PDE4D: variants seen among roughly 807,000 people sequenced by gnomAD.
The protein encoded by PDE4D is 3',5'-cyclic-AMP phosphodiesterase 4D.
PDE4D carries 24 observed loss-of-function variants against 87.4 expected under a neutral mutation model. The observed-to-expected ratio is 0.27, with a 90% CI of 0.20 to 0.39. The LOEUF is 0.39. Among genes scored for constraint, PDE4D ranks in the 10% least tolerant of loss-of-function variants. The pLI is 1.00. For missense variants in PDE4D, 714 were observed against 1,041.0 expected, an observed-to-expected ratio of 0.69 and a Z score of 4.32; for synonymous variants, 384 against 383.2, an observed-to-expected ratio of 1.00 and a Z score of -0.02.
intron 1 of PDE4D, among the ~76,000 whole-genome samples, chr5:59,572,645 T>A (rs1189928634): frequency 6.6e-6 from 1 of 152,000 alleles, no homozygotes; most frequent in African/African-American, 2.4e-5. Context: ...CACGCCCAGC[T>A]AATTTTTTGT....
intron 2 of PDE4D, among the ~76,000 whole-genome samples, chr5:60,093,099 G>T (rs1011163976): frequency 6.6e-6 from 1 of 152,198 alleles, no homozygotes; most frequent in Non-Finnish European, 1.5e-5. Flanking sequence ...AGATTATAAA[G>T]AAGTGAGAAG....
At chr5:59,821,845 G>A (rs902408683) in intron 1 of PDE4D, among the ~76,000 whole-genome samples, 8 of 152,150 alleles carry the variant, frequency 5.3e-5, no homozygotes, top group Non-Finnish European at 1.2e-4. Context: ...AGGAAGATAT[G>A]TTAACCATAG....
chr5:60,370,408 G>C (rs1406804197), intron 1 of PDE4D, among the ~76,000 whole-genome samples: 1 of 152,132 alleles, frequency 6.6e-6, no homozygotes, highest in Non-Finnish European at 1.5e-5. Context: ...AGAATCTCTG[G>C]AACTAAGGAA....
chr5:60,194,202 A>G (rs1423176274), intron 1 of PDE4D, among the ~76,000 whole-genome samples: 1 of 151,626 alleles, frequency 6.6e-6, no homozygotes, highest in Non-Finnish European at 1.5e-5. Context: ...CCTCAACCCA[A>G]TGCAAGCAAG....
chr5:59,501,563 G>C (rs1808288197), intron 1 of PDE4D, among the ~76,000 whole-genome samples: 1 of 152,158 alleles, frequency 6.6e-6, no homozygotes, highest in South Asian at 2.1e-4. Flanking sequence ...TCCAGAGGCA[G>C]AAGAAAGAGG....
intron 1 of PDE4D, among the ~76,000 whole-genome samples, chr5:59,575,340 G>A (rs184457331): frequency 2.0e-5 from 3 of 152,252 alleles, no homozygotes; most frequent in Admixed American, 2.0e-4. Context: ...AAGCATCAGA[G>A]CCAGCTGTGG....
At chr5:59,314,607 A>G (rs939899837) in intron 1 of PDE4D, 2 of 152,006 alleles carry the variant, frequency 1.3e-5, no homozygotes, top group African/African-American at 2.4e-5. Flanking sequence ...TCATCAATAA[A>G]CCCTATTGCA....
Position 58,975,770 on chromosome 5 carries a change from A to T in PDE4D, c.1900T>A (p.Trp634Arg). 1 of 1,612,844 alleles carries T rather than the reference A, an allele frequency of 6.2e-7. No individual in the cohort carries two copies. The highest frequency in any genetic ancestry group is 8.5e-7 in the Non-Finnish European group (1 of 1,179,328). The change falls in exon 14 of 15, where the codon TGG (tryptophan) becomes AGG (arginine). Residue 634 changes from tryptophan to arginine, a missense_variant. Trp to Arg is a moderately radical substitution (Grantham distance 101). Around this residue, in one of 7 missense-constraint regions of PDE4D, gnomAD observed 97 missense variants for 176.9 expected, o/e 0.55. Transcript: ENST00000340635. This position sits in a 1 kb window ranked among gnomAD's most constrained non-coding sequence, Gnocchi z 4.2. ...AACTCCTCCATTATCCGGTCCGTCC[A>T]CTGGCGGTACAGCTGGAGAGGCTTT... ...PTKPLQLYRQ[W>R]TDRIMEEFFR... is the part of the protein sequence containing the mutation.
chr5:59,189,667 A>T (rs540732446), intron 3 of PDE4D, among the ~76,000 whole-genome samples: 1 of 152,290 alleles, frequency 6.6e-6, no homozygotes, highest in African/African-American at 2.4e-5. Flanking sequence ...TGGCCAAGAA[A>T]AAAAGGTCAG....
At chr5:60,290,064 C>T (rs764478467) in intron 1 of PDE4D, among the ~76,000 whole-genome samples, 6 of 152,130 alleles carry the variant, frequency 3.9e-5, no homozygotes, top group Non-Finnish European at 7.3e-5. Context: ...GAGGTTGGTA[C>T]TCATATGTGT....
chr5:60,096,859 G>A (rs888950909), intron 2 of PDE4D, among the ~76,000 whole-genome samples: 4 of 151,968 alleles, frequency 2.6e-5, no homozygotes, highest in African/African-American at 9.7e-5. Context: ...CAGTTTATAA[G>A]CAAATATCTA....
At chr5:59,785,636 A>T (rs930015056) in intron 1 of PDE4D, among the ~76,000 whole-genome samples, 3 of 152,236 alleles carry the variant, frequency 2.0e-5, no homozygotes, top group Non-Finnish European at 2.9e-5. Flanking sequence ...GGCTGTTTTA[A>T]GAACCACCTC....
rs577361780 is a variant in PDE4D, at chr5:59,164,540, T to C, written c.808+16055A>G. Among the ~76,000 whole-genome samples, 14 of 152,334 alleles carry C rather than the reference T, an allele frequency of 9.2e-5. 1 individual carries two copies. In the South Asian group the frequency reaches 2.9e-3, roughly 32 times the overall value. Reference sequence around the variant, plus strand: ...GAGAAATCAAGGCTCAGAGAATAACTTTCCCAAAGTCAAATAGCTAACAAA... The same window carrying C: ...GAGAAATCAAGGCTCAGAGAATAACCTTCCCAAAGTCAAATAGCTAACAAA... On this transcript the variant is annotated intron_variant, in intron 5 of 14. Coordinates refer to ENST00000340635, the MANE Select transcript of PDE4D (RefSeq NM_001104631.2).
At chr5:60,018,876 A>G (rs997160622) in intron 2 of PDE4D, among the ~76,000 whole-genome samples, 4 of 151,978 alleles carry the variant, frequency 2.6e-5, no homozygotes, top group Admixed American at 6.6e-5. Flanking sequence ...CTTAGACACA[A>G]TAACAGTGGT....
intron 5 of PDE4D, among the ~76,000 whole-genome samples, chr5:59,042,864 C>T (rs891679490): frequency 9.2e-5 from 14 of 152,228 alleles, no homozygotes; most frequent in Admixed American, 2.6e-4. Flanking sequence ...TGAAACTGTG[C>T]CAGGGGCTCC....
chr5:59,616,255 A>T (rs1269785087), intron 1 of PDE4D, among the ~76,000 whole-genome samples: 1 of 152,106 alleles, frequency 6.6e-6, no homozygotes, highest in Non-Finnish European at 1.5e-5. Context: ...CTGGCTTTTT[A>T]AAACAATATT....
chr5:60,095,467 T>C (rs1437232229), intron 2 of PDE4D, among the ~76,000 whole-genome samples: 1 of 152,196 alleles, frequency 6.6e-6, no homozygotes, highest in Admixed American at 6.5e-5. Flanking sequence ...ACTTTTGGGT[T>C]GGTTCCAAGT....
intron 1 of PDE4D, among the ~76,000 whole-genome samples, chr5:60,188,106 A>C (rs1784924638): frequency 6.6e-6 from 1 of 151,976 alleles, no homozygotes. Context: ...ATAAGTGCTA[A>C]CCTCTCTCAA....
intron 1 of PDE4D, among the ~76,000 whole-genome samples, chr5:59,648,037 A>G (rs1474758012): frequency 1.3e-5 from 2 of 152,214 alleles, no homozygotes; most frequent in African/African-American, 4.8e-5. Flanking sequence ...CAGAGTTTCC[A>G]TAAGAGCTCT....
Sources: allele counts gnomAD v4.1 joint callset (sites outside exome capture counted in the v4.1 genomes callset), GRCh38; gene constraint gnomAD v4.1.1; regional missense constraint gnomAD v4.1.1; non-coding constraint Gnocchi (gnomAD v3.1); transcripts MANE v1.5; gene names NCBI Gene and HGNC (gene_info 2026-07-23, HGNC 2026-07-21).